NUPR1: variants seen among roughly 807,000 people sequenced by gnomAD.
NUPR1 encodes the protein nuclear protein 1.
NUPR1 carries 8 observed loss-of-function variants against 7.3 expected under a neutral mutation model. The observed-to-expected ratio is 1.09, with a 90% CI of 0.64 to 1.97. The LOEUF (loss-of-function observed/expected upper bound fraction) is 1.97, where lower values mean the gene tolerates loss of function less well. Among genes scored for constraint, NUPR1 ranks in the 30% most tolerant of loss-of-function variants. The pLI is 0.00. For synonymous variants in NUPR1, 39 were observed against 44.5 expected (o/e 0.88, Z 0.49); for missense variants, 96 against 111.7 (o/e 0.86, Z 0.63).
chr16:28,538,858 G>T lies in NUPR1; in HGVS notation c.50C>A (p.Pro17Gln), dbSNP rs760999373. Residue 17 changes from proline to glutamine, a missense_variant, in exon 1 of 3, where the codon CCG becomes CAG. By Grantham distance (76) the Pro-to-Gln change is moderately conservative. Coordinates refer to ENST00000324873, the MANE Select transcript of NUPR1 (RefSeq NM_012385.3). ...ATCCAGGCTGGAGTCCTCGTCCTCC[G>T]GGCCTGGGGGCTGCTGGGGGGCGCT... ...ATSAPQQPPG[P>Q]EDEDSSLDES... 4 of 1,613,368 alleles carry T rather than the reference G, an allele frequency of 2.5e-6. No homozygotes were observed. Among genetic ancestry groups the T allele is most frequent in the Non-Finnish European group, 3.4e-6 (4 of 1,179,836 alleles).
In NUPR1 at chr16:28,535,571, C is replaced by CCTTCCTTCCTTTCTTTCTTTCTTT. The variant is rs71140975; in HGVS notation, c.*2111_*2112insAAAGAAAGAAAGAAAGGAAGGAAG. 12 of 71,942 alleles carry CCTTCCTTCCTTTCTTTCTTTCTTT rather than the reference C, an allele frequency of 1.7e-4. No homozygotes were observed. Among genetic ancestry groups the CCTTCCTTCCTTTCTTTCTTTCTTT allele is most frequent in the Non-Finnish European group, 2.9e-4 (11 of 38,498 alleles). 4.5% of individuals were successfully genotyped at this position (71,942 alleles called of 1,614,324 possible). A position where few individuals can be genotyped will look rare whatever the true frequency, so the allele number is the denominator to read the frequency against. On this transcript the variant is annotated 3_prime_UTR_variant, in exon 3 of 3. Coordinates refer to ENST00000324873, the MANE Select transcript of NUPR1 (RefSeq NM_012385.3). The stretch of plus-strand genomic sequence containing the variant: ...TCTTTCTTTCTTTCTTTCCTTCCTT[C>CCTTCCTTCCTTTCTTTCTTTCTTT]CTTTCTTTCTTTCTTTCTTTCTTTC...
rs1359794297 is a variant in NUPR1 at position 28,535,567 on chromosome 16, C to CTTTCTTTCTTTCTTTT, written c.*2115_*2116insAAAAGAAAGAAAGAAA. 1 of 67,392 alleles carries CTTTCTTTCTTTCTTTT rather than the reference C, an allele frequency of 1.5e-5. No individual in the cohort carries two copies. The highest frequency in any genetic ancestry group is 2.9e-5 in the Non-Finnish European group (1 of 34,786). The allele number at this position is 67,392 out of a possible 1,614,324, so 4.2% of individuals were successfully genotyped here. On this transcript the variant is annotated 3_prime_UTR_variant, in exon 3 of 3. Transcript: ENST00000324873. The stretch of plus-strand genomic sequence containing the variant: ...TCCTTCTTTCTTTCTTTCTTTCCTT[C>CTTTCTTTCTTTCTTTT]CTTCCTTTCTTTCTTTCTTTCTTTC...
intron 2 of NUPR1, 70 bp downstream of exon 2, chr16:28,537,934 TCA>T (rs2046635366): frequency 1.6e-6 from 2 of 1,282,706 alleles, no homozygotes; most frequent in South Asian, 1.4e-5. Flanking sequence ...CCCCACCCAA[TCA>T]CACACCTTCC....
At position 28,535,571 on chromosome 16, in the gene NUPR1, C is replaced by CTTTCTTTCTTTCTTTCCTTT. The variant is rs1555472555; in HGVS notation, c.*2111_*2112insAAAGGAAAGAAAGAAAGAAA. On this transcript the variant is annotated 3_prime_UTR_variant, in exon 3 of 3. Transcript: ENST00000324873. ...TCTTTCTTTCTTTCTTTCCTTCCTT[C>CTTTCTTTCTTTCTTTCCTTT]CTTTCTTTCTTTCTTTCTTTCTTTC... 6 of 71,944 alleles carry CTTTCTTTCTTTCTTTCCTTT rather than the reference C, an allele frequency of 8.3e-5. No individual in the cohort carries two copies. The highest frequency in any genetic ancestry group is 7.0e-4 in the East Asian group (1 of 1,436). 4.5% of individuals were successfully genotyped at this position (71,944 alleles called of 1,614,324 possible).
chr16:28,535,571 C>CTTTCTTTCTTTT lies in NUPR1; in HGVS notation c.*2111_*2112insAAAAGAAAGAAA, dbSNP rs1555472555. On this transcript the variant is annotated 3_prime_UTR_variant, in exon 3 of 3. Transcript: ENST00000324873. ...TCTTTCTTTCTTTCTTTCCTTCCTT[C>CTTTCTTTCTTTT]CTTTCTTTCTTTCTTTCTTTCTTTC... The CTTTCTTTCTTTT allele has an allele frequency of 2.2e-4, 16 of 71,948 alleles. No individual in the cohort carries two copies. The highest frequency in any genetic ancestry group is 3.3e-4 in the Admixed American group (2 of 5,984). The allele number at this position is 71,948 out of a possible 1,614,324, so 4.5% of individuals were successfully genotyped here. A position where few individuals can be genotyped will look rare whatever the true frequency, so the allele number is the denominator to read the frequency against.
At chr16:28,537,804 A>T in intron 2 of NUPR1, 135 bp from the exon 3 acceptor site, 1 of 539,506 alleles carries the variant, frequency 1.9e-6, no homozygotes, top group Non-Finnish European at 3.3e-6. Context: ...CTGTAAGTCA[A>T]ATTTCCCTTC....
chr16:28,534,993 A>G lies in NUPR1; in HGVS notation c.*2690T>C, dbSNP rs1029993316. 1 of 152,170 alleles carries G rather than the reference A, an allele frequency of 6.6e-6. No homozygotes were observed. Among genetic ancestry groups the G allele is most frequent in the East Asian group, 1.9e-4 (1 of 5,194 alleles). The allele number at this position is 152,170 out of a possible 1,614,324, so 9.4% of individuals were successfully genotyped here. On this transcript the variant is annotated 3_prime_UTR_variant, in exon 3 of 3. Transcript: ENST00000324873. The stretch of plus-strand genomic sequence containing the variant: ...TTTGTATCCTGTTTTGATTCTTCAT[A>G]ATAGCAACCCAAACCTGTATCTCAA...
chr16:28,538,767 G>A (rs1246936306), intron 1 of NUPR1, 29 bp downstream of exon 1: 1 of 1,535,392 alleles, frequency 6.5e-7, no homozygotes, highest in East Asian at 2.3e-5. Flanking sequence ...GAGGAGGAAG[G>A]ACCGTGGAGA....
rs2151632886 is a variant in NUPR1, at chr16:28,534,508, CAG to C, written c.*3173_*3174del. The C allele has an allele frequency of 6.6e-6, 1 of 152,356 alleles. No homozygotes were observed. Among genetic ancestry groups the C allele is most frequent in the East Asian group, 1.9e-4 (1 of 5,188 alleles). 9.4% of individuals were successfully genotyped at this position (152,356 alleles called of 1,614,324 possible). A position where few individuals can be genotyped will look rare whatever the true frequency, so the allele number is the denominator to read the frequency against. On this transcript the variant is annotated 3_prime_UTR_variant, in exon 3 of 3. Coordinates refer to ENST00000324873, the MANE Select transcript of NUPR1 (RefSeq NM_012385.3). ...ACAGGCTCTGCCCGGGGCCCAATCT[CAG>C]AGTTTTCTCCCCCGACATCTGTTGA...
At chr16:28,537,851 C>T (rs2046634706) in intron 2 of NUPR1, among the ~76,000 whole-genome samples, 155 bp downstream of exon 2, 1 of 152,146 alleles carries the variant, frequency 6.6e-6, no homozygotes, top group Admixed American at 6.6e-5. Flanking sequence ...TTGCTCTGGC[C>T]ACTAGGAAAC....
intron 2 of NUPR1, 71 bp downstream of exon 2, chr16:28,537,935 C>T: frequency 6.1e-6 from 8 of 1,303,458 alleles, no homozygotes; most frequent in Non-Finnish European, 8.5e-6. Flanking sequence ...CCCACCCAAT[C>T]ACACACCTTC....
chr16:28,535,544 C>CA lies in NUPR1; in HGVS notation c.*2138_*2139insT, dbSNP rs2046607042. The CA allele has an allele frequency of 5.2e-5, 3 of 58,122 alleles. No individual in the cohort carries two copies. Among genetic ancestry groups the CA allele is most frequent in the African/African-American group, 1.8e-4 (3 of 16,694 alleles). The allele number at this position is 58,122 out of a possible 1,614,324, so 3.6% of individuals were successfully genotyped here. Reference sequence around the variant, plus strand: ...CTTTCTTTCTTTCTTTCTTTCTTTCCTTCTTTCTTTCTTTCTTTCCTTCCT... The same window carrying CA: ...CTTTCTTTCTTTCTTTCTTTCTTTCCATTCTTTCTTTCTTTCTTTCCTTCCT... On this transcript the variant is annotated 3_prime_UTR_variant, in exon 3 of 3. Transcript: ENST00000324873.
chr16:28,538,770 C>G, intron 1 of NUPR1, 26 bp downstream of exon 1: 1 of 1,554,474 alleles, frequency 6.4e-7, no homozygotes, highest in Non-Finnish European at 8.9e-7. Flanking sequence ...GAGGAAGGAC[C>G]GTGGAGATGG....
chr16:28,535,587 T>TCCTTC lies in NUPR1; in HGVS notation c.*2095_*2096insGAAGG, dbSNP rs1491299508. 0.011 allele frequency: 483 copies of TCCTTC among 44,452 alleles called. 2 individuals carry two copies. The highest frequency in any genetic ancestry group is 0.056 in the African/African-American group (457 of 8,172). The allele number at this position is 44,452 out of a possible 1,614,324, so 2.8% of individuals were successfully genotyped here. On this transcript the variant is annotated 3_prime_UTR_variant, in exon 3 of 3. Transcript: ENST00000324873. ...TCCTTCCTTCCTTTCTTTCTTTCTT[T>TCCTTC]CTTTCTTTCTTTCTTTCTTTCTTTC...
In NUPR1 at chr16:28,538,045, T is replaced by A. The variant is rs750899438; in HGVS notation, c.223A>T (p.Arg75Trp). The stretch of plus-strand genomic sequence containing the variant: ...CAGCGCCGTGCCCCTCGCTTCTTCC[T>A]CTCTGAATTCTGCAGCTTGGTCACC... The part of the protein sequence containing the change: ...KLVTKLQNSE[R>W]KKRGARR The change falls in exon 2 of 3, where the codon AGG becomes TGG. Residue 75 changes from arginine to tryptophan, a missense_variant. Physicochemically the swap from Arg to Trp is moderately radical, Grantham distance 101 (BLOSUM62 -3). Transcript: ENST00000324873. 9 of 1,613,924 alleles carry A rather than the reference T, an allele frequency of 5.6e-6. No individual in the cohort carries two copies. Among genetic ancestry groups the A allele is most frequent in the African/African-American group, 1.3e-5 (1 of 74,914 alleles).
At position 28,538,863 on chromosome 16, in the gene NUPR1, T is replaced by C. The variant is rs1462213353; in HGVS notation, c.45A>G (p.Pro15=). 1 of 1,613,218 alleles carries C rather than the reference T, an allele frequency of 6.2e-7. No individual in the cohort carries two copies. Among genetic ancestry groups the C allele is most frequent in the East Asian group, 2.2e-5 (1 of 44,826 alleles). Reference sequence around the variant, plus strand: ...GGCTGGAGTCCTCGTCCTCCGGGCCTGGGGGCTGCTGGGGGGCGCTGGTTG... The same window carrying C: ...GGCTGGAGTCCTCGTCCTCCGGGCCCGGGGGCTGCTGGGGGGCGCTGGTTG... The part of the protein sequence containing the change: ...PPATSAPQQP[P]GPEDEDSSLD... The change falls in exon 1 of 3, where the codon CCA becomes CCG. Residue 15 remains proline, a synonymous_variant. Coordinates refer to ENST00000324873, the MANE Select transcript of NUPR1 (RefSeq NM_012385.3).
At position 28,538,537 on chromosome 16, in the gene NUPR1, G is replaced by A. The variant is rs1567278701; in HGVS notation, c.112+259C>T. 5 of 618,582 alleles carry A rather than the reference G, an allele frequency of 8.1e-6. No homozygotes were observed. In the Admixed American group the frequency reaches 9.5e-5, roughly 12 times the overall value. The allele number at this position is 618,582 out of a possible 1,614,324, so 38.3% of individuals were successfully genotyped here. ...AGACCCCATCTCACCACTGCAGGTGGTGTACACCTGAAGTTCCAGCCACTC... is the reference window on the plus strand; with the variant it reads ...AGACCCCATCTCACCACTGCAGGTGATGTACACCTGAAGTTCCAGCCACTC... On this transcript the variant is annotated intron_variant, in intron 1 of 2. Coordinates refer to ENST00000324873, the MANE Select transcript of NUPR1 (RefSeq NM_012385.3).
chr16:28,538,443 A>G, intron 1 of NUPR1: 1 of 583,010 alleles, frequency 1.7e-6, no homozygotes, highest in South Asian at 2.0e-5. Context: ...TAATCTCAGC[A>G]CTTTGGGAGG....
chr16:28,537,977 T>G, intron 2 of NUPR1, 29 bp downstream of exon 2: 7 of 1,575,164 alleles, frequency 4.4e-6, no homozygotes, highest in African/African-American at 1.3e-5. Flanking sequence ...AGCACCACCT[T>G]GAGCTCTCTG....
Sources: gnomAD v4.1 joint callset for allele counts (sites outside exome capture counted in the v4.1 genomes callset) on GRCh38, gnomAD v4.1.1 for gene constraint, MANE v1.5 for transcripts, NCBI Gene and HGNC (gene_info 2026-07-23, HGNC 2026-07-21) for gene names.